The following DMPK variants were observed in gnomAD, a reference collection of about 807,000 sequenced individuals.
The protein encoded by DMPK is myotonin-protein kinase.
DMPK carries 32 observed loss-of-function variants against 70.3 expected under a neutral mutation model. The observed-to-expected ratio is 0.46, with a 90% confidence interval of 0.34 to 0.61. The LOEUF is 0.61. Ranked by LOEUF, DMPK falls within the 20% of genes least tolerant of loss-of-function variation. The pLI, the probability that DMPK is intolerant of heterozygous loss-of-function variation, is 0.01. For synonymous variants in DMPK, 469 were observed against 390.9 expected (o/e 1.20, Z -2.36); for missense variants, 899 against 886.0 (o/e 1.01, Z -0.19).
chr19:45,779,629 G>T, intron 2 of DMPK, 107 bp from the exon 3 acceptor site: 2 of 1,557,734 alleles, frequency 1.3e-6, no homozygotes, highest in East Asian at 2.2e-5. Context: ...CGCCCCACCT[G>T]CCACACCACG....
Position 45,771,619 on chromosome 19 carries a change from C to T in DMPK, c.1549G>A (p.Val517Ile). ...EARNRDLEAH[V>I]RQLQERMELL... ...TCCATCCGCTCCTGCAACTGCCGGA[C>T]GTGTGCCTCTAGGTCCCGGTTCCGA... is the stretch of plus-strand genomic sequence containing the variant. The change falls in exon 12 of 15, where the codon GTC (valine) becomes ATC (isoleucine). Residue 517 changes from valine to isoleucine, a missense_variant. Around this residue, in one of 3 missense-constraint regions of DMPK, gnomAD observed 555 missense variants for 483.8 expected, o/e 1.15. Transcript: ENST00000291270. 1 of 1,614,072 alleles carries T rather than the reference C, an allele frequency of 6.2e-7. No individual in the cohort carries two copies. The highest frequency in any genetic ancestry group is 1.1e-5 in the South Asian group (1 of 91,090).
At chr19:45,775,095 ATC>A in intron 8 of DMPK, 61 bp from the exon 9 acceptor site, 2 of 1,365,656 alleles carry the variant, frequency 1.5e-6, no homozygotes, top group Non-Finnish European at 2.1e-6. Context: ...CTGCTTTTTG[ATC>A]TTGGCTTACA....
chr19:45,771,620 G>A lies in DMPK; in HGVS notation c.1548C>T (p.His516=), dbSNP rs1228707249. 1.2e-6 allele frequency: 2 copies of A among 1,613,906 alleles called. No homozygotes were observed. The highest frequency in any genetic ancestry group is 1.7e-5 in the Admixed American group (1 of 60,006). ...AEARNRDLEA[H]VRQLQERMEL... ...CCATCCGCTCCTGCAACTGCCGGAC[G>A]TGTGCCTCTAGGTCCCGGTTCCGAG... Residue 516 remains histidine, a synonymous_variant, in exon 12 of 15, where the codon CAC becomes CAT. Transcript: ENST00000291270.
At position 45,777,119 on chromosome 19, in the gene DMPK, G is replaced by A. The variant is rs184734237; in HGVS notation, c.1146+208C>T. ...TTGTCTCAGCCCTGATCACTCTGGG[G>A]CCTTACTGTCTGAAGACTGCTCTGT... On this transcript the variant is annotated intron_variant, in intron 8 of 14. Transcript: ENST00000291270. The surrounding 1 kb of genome is among the most constrained non-coding windows in gnomAD (Gnocchi z 6.7). 92 of 675,826 alleles carry A rather than the reference G, an allele frequency of 1.4e-4. 2 individuals carry two copies. The Admixed American group carries it at 2.8e-3, about 21-fold the overall frequency. 41.9% of individuals were successfully genotyped at this position (675,826 alleles called of 1,614,324 possible). A position where few individuals can be genotyped will look rare whatever the true frequency, so the allele number is the denominator to read the frequency against.
rs755577294 is a variant in DMPK at position 45,782,250 on chromosome 19, C to G, written c.103G>C (p.Glu35Gln). 8 of 1,610,218 alleles carry G rather than the reference C, an allele frequency of 5.0e-6. No individual in the cohort carries two copies. In the Admixed American group the frequency reaches 1.2e-4, roughly 24 times the overall value. ...TGGGCCAGTTCGGAGGCGCCCAGCTCCTGGTGGACGCCCAGGAGAAGGTCG... is the reference window on the plus strand; with the variant it reads ...TGGGCCAGTTCGGAGGCGCCCAGCTGCTGGTGGACGCCCAGGAGAAGGTCG... ...LLDLLLGVHQ[E>Q]LGASELAQDK... The change falls in exon 1 of 15, where the codon GAG becomes CAG. Residue 35 changes from glutamate (E) to glutamine (Q), a missense_variant. Physicochemically the swap from Glu to Gln is conservative, Grantham distance 29. Transcript: ENST00000291270.
rs1363979456 is a variant in DMPK at position 45,769,990 on chromosome 19, T to C, written c.*498A>G. On this transcript the variant is annotated 3_prime_UTR_variant, in exon 15 of 15. Transcript: ENST00000291270. ...AAAAAGCGGGTTTGGCAAAAGCAAATTTCCCGAGTAAGCAGGCAGAGATCG... is the reference window on the plus strand; with the variant it reads ...AAAAAGCGGGTTTGGCAAAAGCAAACTTCCCGAGTAAGCAGGCAGAGATCG... 3.2e-6 allele frequency: 1 copy of C among 313,186 alleles called. No individual in the cohort carries two copies. The highest frequency in any genetic ancestry group is 3.7e-5 in the South Asian group (1 of 27,124). 19.4% of individuals were successfully genotyped at this position (313,186 alleles called of 1,614,324 possible). A position where few individuals can be genotyped will look rare whatever the true frequency, so the allele number is the denominator to read the frequency against.
intron 9 of DMPK, 75 bp from the exon 10 acceptor site, chr19:45,772,827 G>T: frequency 2.5e-6 from 2 of 809,464 alleles, no homozygotes; most frequent in Non-Finnish European, 3.6e-6. Context: ...CTTCTGGCCT[G>T]TGGGTAGGGG....
intron 10 of DMPK, 121 bp downstream of exon 10, chr19:45,772,520 G>A: frequency 1.7e-6 from 1 of 595,190 alleles, no homozygotes; most frequent in Non-Finnish European, 2.9e-6. Context: ...TCTCTCCGTG[G>A]TTTCTGTCTG....
At position 45,782,356 on chromosome 19, in the gene DMPK, G is replaced by T; in HGVS notation, c.-4C>A. 1 of 1,567,222 alleles carries T rather than the reference G, an allele frequency of 6.4e-7. No homozygotes were observed. The highest frequency in any genetic ancestry group is 1.2e-5 in the South Asian group (1 of 85,894). ...TCAGCCGCACCTCGGCTGACATGTT[G>T]GACAGGCAGCACCATGGCCCCTCCC... On this transcript the variant is annotated 5_prime_UTR_variant, in exon 1 of 15. Transcript: ENST00000291270.
At chr19:45,772,156 G>T in intron 10 of DMPK, 1 of 554,132 alleles carries the variant, frequency 1.8e-6, no homozygotes, top group South Asian at 2.7e-5. Flanking sequence ...CAGAGGGCTG[G>T]TGCTCAAACA....
chr19:45,782,158 C>CCCCCCCCT, intron 1 of DMPK, 35 bp downstream of exon 1: 3 of 1,327,874 alleles, frequency 2.3e-6, no homozygotes, highest in East Asian at 2.7e-5. Flanking sequence ...CCCACCCCCA[C>CCCCCCCCT]CCCATCTGCA....
At chr19:45,774,685 T>C (rs1969677846) in intron 9 of DMPK, among the ~76,000 whole-genome samples, 1 of 152,234 alleles carries the variant, frequency 6.6e-6, no homozygotes, top group African/African-American at 2.4e-5. Flanking sequence ...TGTGGCTCTG[T>C]GTACTACAGA....
chr19:45,779,393 C>CG (rs1474799902), intron 3 of DMPK, 34 bp from the exon 4 acceptor site: 1 of 1,613,786 alleles, frequency 6.2e-7, no homozygotes, highest in African/African-American at 1.3e-5. Context: ...CAGCCGGAGA[C>CG]GGGGCGCGGA....
chr19:45,774,920 C>G, intron 9 of DMPK, 29 bp downstream of exon 9: 5 of 1,592,104 alleles, frequency 3.1e-6, no homozygotes, highest in Non-Finnish European at 4.3e-6. Flanking sequence ...GCCTCGTGGC[C>G]CCTGGAGGCC....
intron 4 of DMPK, 112 bp from the exon 5 acceptor site, chr19:45,778,753 G>T: frequency 8.6e-7 from 1 of 1,159,830 alleles, no homozygotes. Context: ...GAGACCTGCA[G>T]CCCCAGCCCA....
At chr19:45,776,134 ATTTTTTTTT>A (rs534946812) in intron 8 of DMPK, among the ~76,000 whole-genome samples, 1,493 of 48,348 alleles carry the variant, frequency 0.031, 234 homozygotes, top group African/African-American at 0.12. Context: ...GGTCCAGCCT[ATTTTTTTTT>A]TTTTTTTTTT....
chr19:45,780,047 A>G (rs1970032594), intron 1 of DMPK, 178 bp from the exon 2 acceptor site: 1 of 1,538,794 alleles, frequency 6.5e-7, no homozygotes, highest in South Asian at 1.2e-5. Flanking sequence ...GGGGGCCAAA[A>G]ATGCCCTCCC....
At chr19:45,780,695 AAGGAG>A in intron 1 of DMPK, 1 of 826,830 alleles carries the variant, frequency 1.2e-6, no homozygotes, top group Non-Finnish European at 1.5e-6. Context: ...GAGGGGAGGG[AAGGAG>A]AGGAGACAGT....
chr19:45,777,414 G>T lies in DMPK; in HGVS notation c.1059C>A (p.Pro353=), dbSNP rs1450424337. 1.9e-6 allele frequency: 3 copies of T among 1,613,262 alleles called. No individual in the cohort carries two copies. Among genetic ancestry groups the T allele is most frequent in the Admixed American group, 3.3e-5 (2 of 59,994 alleles). The part of the protein sequence containing the change: ...DWDGLRDSVP[P]FTPDFEGATD... ...TGGCACCTTCGAAATCCGGTGTAAA[G>T]GGGGGCACGCTGTCCCGGAGACCAT... The change falls in exon 8 of 15, where the codon CCC becomes CCA. Residue 353 remains proline, a synonymous_variant. Coordinates refer to ENST00000291270, the MANE Select transcript of DMPK (RefSeq NM_004409.5). This position sits in a 1 kb window ranked among gnomAD's most constrained non-coding sequence, Gnocchi z 6.7.
Sources: gnomAD v4.1 joint callset for allele counts (sites outside exome capture counted in the v4.1 genomes callset) on GRCh38, gnomAD v4.1.1 for gene constraint, gnomAD v4.1.1 regional missense constraint, Gnocchi (gnomAD v3.1) non-coding constraint, MANE v1.5 for transcripts, NCBI Gene and HGNC (gene_info 2026-07-23, HGNC 2026-07-21) for gene names.